RNF10: variants seen among roughly 807,000 people sequenced by gnomAD.
The protein encoded by RNF10 is ring finger protein 10.
RNF10 carries 38 observed loss-of-function variants against 91.4 expected under a neutral mutation model. That is an observed-to-expected ratio of 0.42 (90% CI 0.32 to 0.54). RNF10 has a LOEUF of 0.54. Among genes scored for constraint, RNF10 ranks in the 20% least tolerant of loss-of-function variants. The pLI is 0.16. For synonymous variants in RNF10, 364 were observed against 366.3 expected (o/e 0.99, Z 0.07); for missense variants, 945 against 1,012.0 (o/e 0.93, Z 0.90).
intron 1 of RNF10, among the ~76,000 whole-genome samples, chr12:120,537,011 T>G (rs1870918950): frequency 6.6e-6 from 1 of 152,232 alleles, no homozygotes; most frequent in African/African-American, 2.4e-5. Context: ...GATACAGAAT[T>G]CTATAGTAGT....
At chr12:120,563,972 C>T (rs2137232910) in intron 10 of RNF10, 29 bp downstream of exon 10, 4 of 1,613,666 alleles carry the variant, frequency 2.5e-6, no homozygotes, top group African/African-American at 2.7e-5. Context: ...AATGGAGGGT[C>T]AGGCAGCAGT....
intron 2 of RNF10, among the ~76,000 whole-genome samples, chr12:120,549,093 C>A (rs1872689178): frequency 6.6e-6 from 1 of 151,526 alleles, no homozygotes; most frequent in Admixed American, 6.6e-5. Flanking sequence ...TCCTTGAGAT[C>A]TAGTGAGAAG....
At chr12:120,549,879 A>G (rs1373934826) in intron 2 of RNF10, among the ~76,000 whole-genome samples, 3 of 152,202 alleles carry the variant, frequency 2.0e-5, no homozygotes, top group African/African-American at 7.2e-5. Flanking sequence ...GAGGGGTTGG[A>G]TCATTGATTT....
Position 120,576,938 on chromosome 12 carries a change from C to G in RNF10, c.*272C>G. 7.4e-6 allele frequency: 3 copies of G among 406,034 alleles called. No individual in the cohort carries two copies. Among genetic ancestry groups the G allele is most frequent in the Non-Finnish European group, 1.4e-5 (3 of 221,194 alleles). The allele number at this position is 406,034 out of a possible 1,614,324, so 25.2% of individuals were successfully genotyped here. A position where few individuals can be genotyped will look rare whatever the true frequency, so the allele number is the denominator to read the frequency against. On this transcript the variant is annotated 3_prime_UTR_variant, in exon 17 of 17. Coordinates refer to ENST00000325954, the MANE Select transcript of RNF10 (RefSeq NM_014868.5). ...TCATTGCCAGTTTAGTCTTTTTGAC[C>G]CATGTGTAATTAATTTTTCTCAACC... is the stretch of plus-strand genomic sequence containing the variant.
In RNF10 at chr12:120,534,918, C is replaced by T. The variant is rs1870507882; in HGVS notation, c.107C>T (p.Pro36Leu). 6.2e-7 allele frequency: 1 copy of T among 1,605,986 alleles called. No homozygotes were observed. Among genetic ancestry groups the T allele is most frequent in the Non-Finnish European group, 8.5e-7 (1 of 1,179,404 alleles). Residue 36 changes from proline (P) to leucine (L), a missense_variant, in exon 1 of 17, where the codon CCG (proline) becomes CTG (leucine). Coordinates refer to ENST00000325954, the MANE Select transcript of RNF10 (RefSeq NM_014868.5). ...TCGGGCAGCAGCAAAGGGCAACAGC[C>T]GCCCCGCTCCGCCTCGGCGGGGCCA... ...ASSGSSKGQQ[P>L]PRSASAGPAG... is the part of the protein sequence containing the mutation.
intron 16 of RNF10, among the ~76,000 whole-genome samples, chr12:120,576,326 C>G (rs1202550812): frequency 6.6e-6 from 1 of 152,206 alleles, no homozygotes; most frequent in Admixed American, 6.5e-5. Flanking sequence ...TGCTATGTGC[C>G]TAGCACTGTG....
chr12:120,564,945 G>A, intron 10 of RNF10, 127 bp from the exon 11 acceptor site: 1 of 687,352 alleles, frequency 1.5e-6, no homozygotes, highest in Non-Finnish European at 2.6e-6. Context: ...GAGGATAATT[G>A]AGCACTACTG....
At chr12:120,560,993 C>T (rs561765258) in intron 7 of RNF10, 107 bp downstream of exon 7, 48 of 1,125,640 alleles carry the variant, frequency 4.3e-5, no homozygotes, top group African/African-American at 3.1e-4. Context: ...AGATGATGGA[C>T]GCTGGGGATT....
intron 9 of RNF10, 38 bp from the exon 10 acceptor site, chr12:120,563,772 G>T: frequency 2.5e-6 from 4 of 1,611,636 alleles, no homozygotes; most frequent in Non-Finnish European, 3.4e-6. Context: ...CCTGGGGACT[G>T]GCCAAGACTG....
At chr12:120,557,225 T>G in intron 4 of RNF10, 57 bp from the exon 5 acceptor site, 1 of 1,553,046 alleles carries the variant, frequency 6.4e-7, no homozygotes, top group Admixed American at 1.7e-5. Flanking sequence ...CCTAAAACTT[T>G]GACAGTCCCT....
rs978562419 is a variant in RNF10, at chr12:120,577,214, G to A, written c.*548G>A. On this transcript the variant is annotated 3_prime_UTR_variant, in exon 17 of 17. Transcript: ENST00000325954. ...TTTTTTTCTGACACATGGCCAGGCT[G>A]TGGTGCCAGCTTAATGGAGTAGGCT... The A allele has an allele frequency of 6.0e-5, 27 of 453,458 alleles. No individual in the cohort carries two copies. The highest frequency in any genetic ancestry group is 5.9e-4 in the Admixed American group (25 of 42,198). The allele number at this position is 453,458 out of a possible 1,614,324, so 28.1% of individuals were successfully genotyped here.
At position 120,566,828 on chromosome 12, in the gene RNF10, C is replaced by A; in HGVS notation, c.1889C>A (p.Pro630Gln). The change falls in exon 13 of 17, where the codon CCA (proline) becomes CAA (glutamine). Residue 630 changes from proline (P) to glutamine (Q), a missense_variant. Transcript: ENST00000325954. ...AAGGGTTATCTTTCCTTTGCAGACC[C>A]AGAAGTCCACATTCCCCTCGAGAAT... is the stretch of plus-strand genomic sequence containing the variant. ...IEENKKQGKY[P>Q]EVHIPLENLQ... is the part of the protein sequence containing the mutation. The A allele has an allele frequency of 6.2e-7, 1 of 1,612,646 alleles. No individual in the cohort carries two copies. The highest frequency in any genetic ancestry group is 8.5e-7 in the Non-Finnish European group (1 of 1,179,536).
In RNF10 at chr12:120,557,526, T is replaced by C. The variant is rs1400495055; in HGVS notation, c.831-20T>C. The C allele has an allele frequency of 1.9e-6, 3 of 1,614,186 alleles. No homozygotes were observed. The Admixed American group carries it at 5.0e-5, about 27-fold the overall frequency. On this transcript the variant is annotated intron_variant, in intron 5 of 16. Coordinates refer to ENST00000325954, the MANE Select transcript of RNF10 (RefSeq NM_014868.5). ...TCTCTTCACTCCTTGCCCTGCTACATATGAGTGTCCATGTTTCAGTGTTGT... is the reference window on the plus strand; with the variant it reads ...TCTCTTCACTCCTTGCCCTGCTACACATGAGTGTCCATGTTTCAGTGTTGT...
intron 6 of RNF10, 50 bp downstream of exon 6, chr12:120,557,732 G>C: frequency 6.3e-7 from 1 of 1,597,824 alleles, no homozygotes; most frequent in Non-Finnish European, 8.6e-7. Flanking sequence ...CATTCTTTAA[G>C]GTGATTGAAT....
intron 3 of RNF10, among the ~76,000 whole-genome samples, chr12:120,553,512 C>T (rs978963017): frequency 6.7e-6 from 1 of 149,646 alleles, no homozygotes; most frequent in Admixed American, 6.7e-5. Flanking sequence ...TCATGCCATT[C>T]TCCTGCCTCA....
At chr12:120,548,400 G>T (rs1421421719) in intron 2 of RNF10, among the ~76,000 whole-genome samples, 1 of 152,158 alleles carries the variant, frequency 6.6e-6, no homozygotes, top group African/African-American at 2.4e-5. Context: ...GCAGAAGAGA[G>T]CACAGTCAGG....
intron 14 of RNF10, chr12:120,574,787 G>A (rs1300906250): frequency 5.7e-5 from 16 of 280,098 alleles, no homozygotes; most frequent in South Asian, 6.7e-5. Context: ...TTAGCCGGGC[G>A]TGGTGGTGCA....
At chr12:120,552,743 C>G (rs781041511) in intron 3 of RNF10, 45 bp downstream of exon 3, 1 of 1,560,810 alleles carries the variant, frequency 6.4e-7, no homozygotes, top group Non-Finnish European at 8.8e-7. Context: ...TAGGACTCTC[C>G]GGATAGCTGT....
chr12:120,552,447 T>C (rs146685862), intron 2 of RNF10, 52 bp from the exon 3 acceptor site: 23 of 1,490,464 alleles, frequency 1.5e-5, no homozygotes, highest in African/African-American at 4.2e-5. Context: ...GTTTCTGCTA[T>C]AAATCAGTGT....
Sources: gnomAD v4.1 joint callset for allele counts (sites outside exome capture counted in the v4.1 genomes callset) on GRCh38, gnomAD v4.1.1 for gene constraint, MANE v1.5 for transcripts, NCBI Gene and HGNC (gene_info 2026-07-23, HGNC 2026-07-21) for gene names.